The following CWC27 variants were observed in gnomAD, a reference collection of about 807,000 sequenced individuals.
CWC27 encodes the protein CWC27 spliceosome associated cyclophilin, also known as spliceosome-associated protein CWC27 homolog.
A neutral mutation model predicts 63.6 loss-of-function variants in CWC27; 47 were observed. That is an observed-to-expected ratio of 0.74 (90% CI 0.58 to 0.94). CWC27 has a LOEUF of 0.94. Among genes scored for constraint, CWC27 ranks in the 40% least tolerant of loss-of-function variants. CWC27 has a pLI of 0.00. For synonymous variants in CWC27, 175 were observed against 179.8 expected (o/e 0.97, Z 0.22); for missense variants, 495 against 554.3 (o/e 0.89, Z 1.07).
chr5:64,822,218 C>T (rs1217307602), intron 10 of CWC27, among the ~76,000 whole-genome samples: 1 of 152,140 alleles, frequency 6.6e-6, no homozygotes, highest in African/African-American at 2.4e-5. Flanking sequence ...ATGATGAAAA[C>T]CTTGAAGCAG....
intron 13 of CWC27, among the ~76,000 whole-genome samples, chr5:64,996,878 TTTCTC>T (rs1749643339): frequency 6.6e-6 from 1 of 152,112 alleles, no homozygotes; most frequent in Middle Eastern, 3.2e-3. Context: ...TAAGTAACAG[TTTCTC>T]TAAGTTAGCT....
Position 64,894,509 on chromosome 5 carries a change from A to C in CWC27, c.1042+8963A>C, listed in dbSNP as rs146851709. Among the ~76,000 whole-genome samples the C allele has an allele frequency of 7.9e-3, 1,193 of 151,650 alleles. 8 individuals are homozygous for C. The highest frequency in any genetic ancestry group is 0.028 in the African/African-American group (1,149 of 41,288). On this transcript the variant is annotated intron_variant, in intron 11 of 13. Coordinates refer to ENST00000381070, the MANE Select transcript of CWC27 (RefSeq NM_005869.4). ...TTTTGGAGAGCACATTATTATCATAAATCTACACCTTTTTAAAGATTACAC... is the reference window on the plus strand; with the variant it reads ...TTTTGGAGAGCACATTATTATCATACATCTACACCTTTTTAAAGATTACAC...
intron 10 of CWC27, among the ~76,000 whole-genome samples, chr5:64,837,327 G>T (rs1348908923): frequency 6.6e-6 from 1 of 152,066 alleles, no homozygotes; most frequent in Non-Finnish European, 1.5e-5. Context: ...ATTTTTGGTT[G>T]TTGAGATTAG....
chr5:64,973,290 A>C (rs1281552310), intron 12 of CWC27, among the ~76,000 whole-genome samples: 1 of 152,216 alleles, frequency 6.6e-6, no homozygotes, highest in Admixed American at 6.5e-5. Context: ...ATATGATCTC[A>C]CTTTCATTTT....
intron 10 of CWC27, among the ~76,000 whole-genome samples, chr5:64,867,775 G>A (rs933448256): frequency 2.0e-5 from 3 of 152,060 alleles, no homozygotes; most frequent in African/African-American, 7.2e-5. Flanking sequence ...GGGTACCTAA[G>A]CATAGTGAGG....
At chr5:64,876,615 C>T (rs1430908956) in intron 10 of CWC27, among the ~76,000 whole-genome samples, 1 of 152,072 alleles carries the variant, frequency 6.6e-6, no homozygotes, top group Admixed American at 6.6e-5. Context: ...TCTCCAACAG[C>T]ATGTCACTCA....
intron 11 of CWC27, among the ~76,000 whole-genome samples, chr5:64,936,449 CTG>C (rs1254005205): frequency 1.3e-5 from 2 of 152,206 alleles, no homozygotes; most frequent in Non-Finnish European, 2.9e-5. Context: ...AGGGATTTAG[CTG>C]ACTTGATCGT....
intron 11 of CWC27, among the ~76,000 whole-genome samples, chr5:64,935,313 C>T (rs1035511754): frequency 4.6e-5 from 7 of 152,104 alleles, no homozygotes; most frequent in Non-Finnish European, 5.9e-5. Context: ...TTTCAGTTTC[C>T]TGCTTATGGC....
chr5:64,805,190 T>A (rs1744621964), intron 10 of CWC27, among the ~76,000 whole-genome samples: 1 of 151,822 alleles, frequency 6.6e-6, no homozygotes, highest in Non-Finnish European at 1.5e-5. Flanking sequence ...ATTGCATAGC[T>A]CCCTCAATTT....
At chr5:65,008,477 G>T (rs535427742) in intron 13 of CWC27, among the ~76,000 whole-genome samples, 8 of 152,132 alleles carry the variant, frequency 5.3e-5, no homozygotes, top group African/African-American at 1.9e-4. Flanking sequence ...AGCCATTTGG[G>T]GAAAATAATT....
At chr5:65,015,958 A>T (rs1406568123) in intron 13 of CWC27, among the ~76,000 whole-genome samples, 1 of 152,228 alleles carries the variant, frequency 6.6e-6, no homozygotes, top group East Asian at 1.9e-4. Context: ...TGTGGCTATC[A>T]CTGGTTAATT....
chr5:65,010,005 A>G (rs1429074885), intron 13 of CWC27, among the ~76,000 whole-genome samples: 1 of 152,228 alleles, frequency 6.6e-6, no homozygotes, highest in Admixed American at 6.5e-5. Flanking sequence ...AGGTGAGGAA[A>G]CAGAGGCCTG....
At chr5:64,894,180 A>T (rs187294127) in intron 11 of CWC27, among the ~76,000 whole-genome samples, 173 of 152,136 alleles carry the variant, frequency 1.1e-3, no homozygotes, top group African/African-American at 4.0e-3. Flanking sequence ...CACCCGCCTT[A>T]GCCTCCCAAA....
At chr5:64,809,237 G>A (rs945648800) in intron 10 of CWC27, among the ~76,000 whole-genome samples, 1 of 152,126 alleles carries the variant, frequency 6.6e-6, no homozygotes, top group Non-Finnish European at 1.5e-5. Flanking sequence ...AGAAAGATTC[G>A]ATCAGGCTAA....
At chr5:64,884,640 G>A (rs1048950543) in intron 10 of CWC27, among the ~76,000 whole-genome samples, 4 of 152,028 alleles carry the variant, frequency 2.6e-5, no homozygotes, top group Non-Finnish European at 5.9e-5. Context: ...TGAAAATACC[G>A]TGGGTACTTG....
intron 10 of CWC27, among the ~76,000 whole-genome samples, chr5:64,814,378 A>AT (rs1370952543): frequency 6.6e-6 from 1 of 152,126 alleles, no homozygotes; most frequent in African/African-American, 2.4e-5. Context: ...ACCTATACAA[A>AT]TGAATAAGGG....
At chr5:64,874,543 T>G (rs1386928057) in intron 10 of CWC27, among the ~76,000 whole-genome samples, 2 of 152,186 alleles carry the variant, frequency 1.3e-5, no homozygotes, top group East Asian at 3.9e-4. Flanking sequence ...CCTGGTTCAT[T>G]GCAACCTTCA....
chr5:64,871,823 G>A (rs1329131983), intron 10 of CWC27, among the ~76,000 whole-genome samples: 1 of 152,086 alleles, frequency 6.6e-6, no homozygotes, highest in African/African-American at 2.4e-5. Context: ...AGTTAGACAA[G>A]GCAGTAAGAA....
chr5:64,816,605 A>T (rs1321526359), intron 10 of CWC27, among the ~76,000 whole-genome samples: 2 of 152,146 alleles, frequency 1.3e-5, no homozygotes, highest in Non-Finnish European at 2.9e-5. Flanking sequence ...GTCCTTGAAG[A>T]CTTCGTGGAA....
Sources: allele counts gnomAD v4.1 joint callset (sites outside exome capture counted in the v4.1 genomes callset), GRCh38; gene constraint gnomAD v4.1.1; transcripts MANE v1.5; gene names NCBI Gene and HGNC (gene_info 2026-07-23, HGNC 2026-07-21).